Variants in BMPR1B observed in about 807,000 individuals in gnomAD.
BMPR1B encodes bone morphogenetic protein receptor type 1B.
A neutral mutation model predicts 59.1 loss-of-function variants in BMPR1B; 12 were observed. The ratio of observed to expected loss-of-function variants is 0.20; its 90% CI spans 0.13 to 0.33. The LOEUF (loss-of-function observed/expected upper bound fraction) is 0.33. Among genes scored for constraint, BMPR1B ranks in the 10% least tolerant of loss-of-function variants. BMPR1B has a pLI of 1.00. For synonymous variants in BMPR1B, 237 were observed against 207.3 expected (o/e 1.14, Z -1.23); for missense variants, 550 against 610.9 (o/e 0.90, Z 1.05).
intron 11 of BMPR1B, among the ~76,000 whole-genome samples, chr4:95,151,606 A>T (rs1735046174): frequency 6.6e-6 from 1 of 152,206 alleles, no homozygotes; most frequent in Admixed American, 6.5e-5. Flanking sequence ...AAAACTTCTG[A>T]ACCTTCTGGT....
chr4:94,774,926 A>G (rs1334469020), intron 1 of BMPR1B, among the ~76,000 whole-genome samples: 1 of 152,068 alleles, frequency 6.6e-6, no homozygotes, highest in African/African-American at 2.4e-5. Flanking sequence ...GGAAATTTTC[A>G]TTTTTAAAGT....
intron 2 of BMPR1B, among the ~76,000 whole-genome samples, chr4:94,978,317 A>G (rs957446514): frequency 2.6e-5 from 4 of 152,204 alleles, no homozygotes; most frequent in African/African-American, 4.8e-5. Flanking sequence ...CAACTGGGCA[A>G]TTCTAGTTTA....
intron 3 of BMPR1B, among the ~76,000 whole-genome samples, chr4:95,045,167 A>G (rs1314706554): frequency 6.6e-6 from 1 of 152,198 alleles, no homozygotes; most frequent in Non-Finnish European, 1.5e-5. Flanking sequence ...GGATGTTTAC[A>G]TGGTAAAGAA....
intron 3 of BMPR1B, among the ~76,000 whole-genome samples, chr4:95,003,291 G>C (rs1024186290): frequency 6.6e-6 from 1 of 151,936 alleles, no homozygotes; most frequent in African/African-American, 2.4e-5. Flanking sequence ...TTACTGAATC[G>C]TTCTCCCCCT....
intron 1 of BMPR1B, among the ~76,000 whole-genome samples, chr4:94,839,362 T>C (rs1270318859): frequency 6.8e-6 from 1 of 146,236 alleles, no homozygotes; most frequent in African/African-American, 2.5e-5. Context: ...CAGTGGGGTG[T>C]TAAAATCTCC....
intron 2 of BMPR1B, among the ~76,000 whole-genome samples, chr4:94,981,003 A>ACGCGCACGTACGCGCGCG (rs141994255): frequency 4.7e-4 from 43 of 90,844 alleles, no homozygotes; most frequent in African/African-American, 1.4e-3. Context: ...ACACACACAC[A>ACGCGCACGTACGCGCGCG]CACACACACA....
At chr4:95,007,255 T>C (rs111254357) in intron 3 of BMPR1B, among the ~76,000 whole-genome samples, 1 of 152,288 alleles carries the variant, frequency 6.6e-6, no homozygotes, top group South Asian at 2.1e-4. Flanking sequence ...TCTAATAGAC[T>C]TTTTCATTAG....
At chr4:95,016,043 CTTAGATA>C (rs1427729324) in intron 3 of BMPR1B, among the ~76,000 whole-genome samples, 1 of 152,094 alleles carries the variant, frequency 6.6e-6, no homozygotes, top group Non-Finnish European at 1.5e-5. Context: ...ACAATTCAGA[CTTAGATA>C]TTGAGTAGAT....
At chr4:94,884,487 T>C (rs1727096293) in intron 2 of BMPR1B, among the ~76,000 whole-genome samples, 1 of 151,882 alleles carries the variant, frequency 6.6e-6, no homozygotes, top group Non-Finnish European at 1.5e-5. Flanking sequence ...GATGGTGCCA[T>C]TGCACTCCAG....
chr4:95,050,826 T>G (rs1726446340), intron 3 of BMPR1B, among the ~76,000 whole-genome samples: 2 of 152,228 alleles, frequency 1.3e-5, no homozygotes, highest in South Asian at 4.1e-4. Context: ...TTGGTGTTCT[T>G]TTATTATTAA....
chr4:94,835,295 G>T (rs1003909), intron 1 of BMPR1B, among the ~76,000 whole-genome samples: 74,894 of 151,984 alleles, frequency 0.49, 19,389 homozygotes, highest in African/African-American at 0.66. Context: ...TTAGCCTTCC[G>T]AGTAGCTGGG....
At chr4:94,868,863 G>A (rs1726362122) in intron 1 of BMPR1B, among the ~76,000 whole-genome samples, 1 of 152,170 alleles carries the variant, frequency 6.6e-6, no homozygotes, top group African/African-American at 2.4e-5. Flanking sequence ...GTAGACTACA[G>A]CATGAAGGCT....
chr4:95,031,348 G>T (rs1406229795), intron 3 of BMPR1B, among the ~76,000 whole-genome samples: 1 of 152,154 alleles, frequency 6.6e-6, no homozygotes, highest in East Asian at 1.9e-4. Flanking sequence ...GACATGACTG[G>T]ACCCTGAGGT....
At chr4:95,067,523 G>T (rs1402378409) in intron 3 of BMPR1B, among the ~76,000 whole-genome samples, 3 of 152,128 alleles carry the variant, frequency 2.0e-5, no homozygotes, top group South Asian at 2.1e-4. Flanking sequence ...AAATGAAAAT[G>T]GAATGAAGCC....
chr4:94,833,286 T>C (rs891536119), intron 1 of BMPR1B, among the ~76,000 whole-genome samples: 1 of 152,020 alleles, frequency 6.6e-6, no homozygotes, highest in African/African-American at 2.4e-5. Flanking sequence ...GTGCCTACCA[T>C]AGTCACTGGC....
At chr4:95,152,525 C>A in intron 11 of BMPR1B, 118 bp from the exon 12 acceptor site, 3 of 836,072 alleles carry the variant, frequency 3.6e-6, no homozygotes, top group Non-Finnish European at 5.1e-6. Flanking sequence ...TGCTATTTTT[C>A]TGCCTGAACT....
At chr4:94,998,935 C>T (rs1035848776) in intron 3 of BMPR1B, among the ~76,000 whole-genome samples, 1 of 152,116 alleles carries the variant, frequency 6.6e-6, no homozygotes, top group Non-Finnish European at 1.5e-5. Flanking sequence ...TCAACATCTC[C>T]TATTTCTCAA....
At chr4:95,016,101 GC>G (rs142639251) in intron 3 of BMPR1B, among the ~76,000 whole-genome samples, 65,114 of 151,970 alleles carry the variant, frequency 0.43, 14,437 homozygotes, top group East Asian at 0.71. Context: ...TTACTTCAAG[GC>G]AGATAATTGA....
intron 2 of BMPR1B, among the ~76,000 whole-genome samples, chr4:94,953,415 T>C (rs989004537): frequency 3.9e-5 from 6 of 152,206 alleles, no homozygotes; most frequent in African/African-American, 9.7e-5. Context: ...TTCCTTTCCA[T>C]ATTTACTGCT....
Sources: gnomAD v4.1 joint callset for allele counts (sites outside exome capture counted in the v4.1 genomes callset) on GRCh38, gnomAD v4.1.1 for gene constraint, MANE v1.5 for transcripts, NCBI Gene and HGNC (gene_info 2026-07-23, HGNC 2026-07-21) for gene names.